IL1RAPL1: variants seen among roughly 807,000 people sequenced by gnomAD.
IL1RAPL1 encodes interleukin-1 receptor accessory protein-like 1.
In IL1RAPL1, 3 loss-of-function variants were observed where a neutral mutation model predicts 48.4. The ratio of observed to expected loss-of-function variants is 0.06; its 90% CI spans 0.03 to 0.16. The LOEUF (loss-of-function observed/expected upper bound fraction) is 0.16, where lower values mean the gene tolerates loss of function less well. Ranked by LOEUF, IL1RAPL1 falls within the 10% of genes least tolerant of loss-of-function variation. The pLI is 1.00. For synonymous variants in IL1RAPL1, 185 were observed against 187.7 expected, an observed-to-expected ratio of 0.99 and a Z score of 0.12; for missense variants, 349 against 530.6, an observed-to-expected ratio of 0.66 and a Z score of 3.36.
intron 6 of IL1RAPL1, among the ~76,000 whole-genome samples, chrX:29,701,965 A>G (rs755331759): frequency 6.5e-4 from 73 of 111,750 alleles, no homozygotes; most frequent in African/African-American, 2.3e-3. Flanking sequence ...ACATTTTAAG[A>G]CCTTCCTGGC....
At chrX:28,610,439 G>A (rs1320724435) in intron 1 of IL1RAPL1, among the ~76,000 whole-genome samples, 2 of 112,407 alleles carry the variant, frequency 1.8e-5, no homozygotes, top group African/African-American at 6.5e-5. Context: ...GCCATGGCTA[G>A]CAGTGAAGGT....
At chrX:29,602,285 T>C (rs1923750025) in intron 5 of IL1RAPL1, among the ~76,000 whole-genome samples, 1 of 111,617 alleles carries the variant, frequency 9.0e-6, no homozygotes, top group South Asian at 3.7e-4. Context: ...GCGTGGCCTA[T>C]TCTTAATAAG....
chrX:29,375,994 C>G (rs1421682089), intron 3 of IL1RAPL1, among the ~76,000 whole-genome samples: 1 of 111,491 alleles, frequency 9.0e-6, no homozygotes, highest in African/African-American at 3.3e-5. Flanking sequence ...CTTGTTTATT[C>G]TTTCAAAGAA....
chrX:28,737,840 C>T (rs990794895), intron 1 of IL1RAPL1, among the ~76,000 whole-genome samples: 3 of 111,744 alleles, frequency 2.7e-5, no homozygotes, highest in Non-Finnish European at 5.6e-5. Flanking sequence ...CAAATGCCTC[C>T]TCAGTGCTAA....
intron 5 of IL1RAPL1, among the ~76,000 whole-genome samples, chrX:29,513,401 A>T (rs1434677717): frequency 2.7e-5 from 3 of 111,965 alleles, no homozygotes; most frequent in Admixed American, 9.5e-5. Context: ...TTTAAGTAAT[A>T]AAATTATATG....
At chrX:28,748,878 C>T (rs1256943511) in intron 1 of IL1RAPL1, among the ~76,000 whole-genome samples, 1 of 111,446 alleles carries the variant, frequency 9.0e-6, no homozygotes, top group Admixed American at 9.6e-5. Context: ...CAATATGATA[C>T]CATATTCCTC....
At chrX:29,564,068 A>G (rs1355305803) in intron 5 of IL1RAPL1, among the ~76,000 whole-genome samples, 2 of 111,548 alleles carry the variant, frequency 1.8e-5, no homozygotes, top group African/African-American at 6.5e-5. Context: ...GGAGTTTGTC[A>G]CTTCTAAACT....
intron 6 of IL1RAPL1, among the ~76,000 whole-genome samples, chrX:29,820,552 C>CTATT (rs1328763121): frequency 1.8e-5 from 2 of 111,592 alleles, no homozygotes; most frequent in Non-Finnish European, 3.8e-5. Context: ...ATAATTATAC[C>CTATT]TATTTTAGCC....
At chrX:28,982,578 A>G (rs757210307) in intron 2 of IL1RAPL1, among the ~76,000 whole-genome samples, 177 of 111,614 alleles carry the variant, frequency 1.6e-3, no homozygotes, top group Non-Finnish European at 2.9e-3. Flanking sequence ...AAGGGTATGT[A>G]TTTCATTTAT....
At chrX:29,594,648 A>G (rs189898590) in intron 5 of IL1RAPL1, among the ~76,000 whole-genome samples, 3 of 111,879 alleles carry the variant, frequency 2.7e-5, no homozygotes, top group Non-Finnish European at 5.6e-5. Flanking sequence ...AAAAACAGCT[A>G]TATCTTTTTT....
intron 2 of IL1RAPL1, among the ~76,000 whole-genome samples, chrX:29,229,772 T>C (rs1931157359): frequency 8.9e-6 from 1 of 112,412 alleles, no homozygotes; most frequent in Non-Finnish European, 1.9e-5. Context: ...TTATCAAATA[T>C]ATATTTTTTA....
chrX:29,644,977 C>G (rs1925277434), intron 5 of IL1RAPL1, among the ~76,000 whole-genome samples: 1 of 113,076 alleles, frequency 8.8e-6, no homozygotes, highest in Non-Finnish European at 1.9e-5. Context: ...AAATGCTAGG[C>G]TAATCACTGG....
intron 5 of IL1RAPL1, among the ~76,000 whole-genome samples, chrX:29,413,480 A>T (rs1372236043): frequency 4.7e-5 from 5 of 107,042 alleles, no homozygotes; most frequent in South Asian, 8.4e-4. Flanking sequence ...CATTAGGTAT[A>T]TCTCCTAATG....
At chrX:29,185,115 G>A (rs1056264684) in intron 2 of IL1RAPL1, among the ~76,000 whole-genome samples, 4 of 112,211 alleles carry the variant, frequency 3.6e-5, no homozygotes, top group Admixed American at 9.5e-5. Flanking sequence ...AAATGATCGT[G>A]AGTAATTTGT....
At chrX:29,563,680 A>T (rs1922310464) in intron 5 of IL1RAPL1, among the ~76,000 whole-genome samples, 1 of 112,340 alleles carries the variant, frequency 8.9e-6, no homozygotes, top group Non-Finnish European at 1.9e-5. Context: ...TCAGCTTTGG[A>T]ACTGAAATAG....
At chrX:29,860,324 T>G (rs1244852002) in intron 6 of IL1RAPL1, among the ~76,000 whole-genome samples, 2 of 112,151 alleles carry the variant, frequency 1.8e-5, no homozygotes, top group African/African-American at 6.5e-5. Flanking sequence ...TAAAAGCCAG[T>G]CACAGAGTTA....
chrX:29,186,010 ATTAG>A (rs1930244743), intron 2 of IL1RAPL1, among the ~76,000 whole-genome samples: 1 of 112,026 alleles, frequency 8.9e-6, no homozygotes, highest in Non-Finnish European at 1.9e-5. Context: ...TCACCCTACT[ATTAG>A]TTTGAGAATT....
intron 2 of IL1RAPL1, among the ~76,000 whole-genome samples, chrX:28,998,920 G>C (rs1034482224): frequency 1.8e-5 from 2 of 111,652 alleles, no homozygotes; most frequent in African/African-American, 6.5e-5. Flanking sequence ...TAACGTTAGA[G>C]AAAGCCTAGA....
intron 1 of IL1RAPL1, among the ~76,000 whole-genome samples, chrX:28,649,150 T>G (rs2146902791): frequency 8.9e-6 from 1 of 112,311 alleles, no homozygotes; most frequent in Non-Finnish European, 1.9e-5. Flanking sequence ...TAAATTTATT[T>G]ATTTACTGGT....
Sources: allele counts gnomAD v4.1 joint callset (sites outside exome capture counted in the v4.1 genomes callset), GRCh38; gene constraint gnomAD v4.1.1; transcripts MANE v1.5; gene names NCBI Gene and HGNC (gene_info 2026-07-23, HGNC 2026-07-21).